Variants in FSTL4 observed in about 807,000 individuals in gnomAD.
The protein encoded by FSTL4 is follistatin-related protein 4.
Under a neutral mutation model 78.2 loss-of-function variants are expected in FSTL4, and 28 were observed. The ratio of observed to expected loss-of-function variants is 0.36; its 90% CI spans 0.27 to 0.49. The LOEUF (loss-of-function observed/expected upper bound fraction) is 0.49, where lower values mean the gene tolerates loss of function less well. Ranked by LOEUF, FSTL4 falls within the 20% of genes least tolerant of loss-of-function variation. The pLI is 0.98. For missense variants in FSTL4, 922 were observed against 1,084.9 expected, an observed-to-expected ratio of 0.85 and a Z score of 2.11; for synonymous variants, 422 against 440.5, an observed-to-expected ratio of 0.96 and a Z score of 0.53.
At chr5:133,810,294 C>A in the FSTL4 span, among the ~76,000 whole-genome samples, 3 of 152,248 alleles carry the variant, frequency 2.0e-5, no homozygotes, top group Admixed American at 2.0e-4. Flanking sequence ...GTTCTTCTGG[C>A]ACAGCCTTCC....
chr5:133,274,625 G>A (rs983928525), intron 6 of FSTL4, among the ~76,000 whole-genome samples: 2 of 152,148 alleles, frequency 1.3e-5, no homozygotes, highest in African/African-American at 4.8e-5. Context: ...CTTTGGTGGG[G>A]TGGTGTGCTC....
At chr5:133,823,530 G>A in the FSTL4 span, among the ~76,000 whole-genome samples, 1 of 152,236 alleles carries the variant, frequency 6.6e-6, no homozygotes, top group East Asian at 1.9e-4. Flanking sequence ...AGATCCTCAG[G>A]ATGTCAGAGA....
the FSTL4 span, among the ~76,000 whole-genome samples, chr5:133,795,693 G>A: frequency 6.6e-6 from 1 of 152,212 alleles, no homozygotes; most frequent in Non-Finnish European, 1.5e-5. Context: ...ACCGCCATAA[G>A]GCCTTCTGAA....
the FSTL4 span, among the ~76,000 whole-genome samples, chr5:133,640,699 A>G: frequency 6.6e-6 from 1 of 152,182 alleles, no homozygotes; most frequent in African/African-American, 2.4e-5. Context: ...TAAGAATGGG[A>G]TAACAGATGA....
At chr5:133,527,471 G>A (rs936591956) in intron 3 of FSTL4, among the ~76,000 whole-genome samples, 10 of 113,688 alleles carry the variant, frequency 8.8e-5, no homozygotes, top group Non-Finnish European at 1.9e-4. Flanking sequence ...ATGTGCACGT[G>A]TACACACACA....
chr5:133,429,586 C>T (rs1756894309), intron 3 of FSTL4, among the ~76,000 whole-genome samples: 1 of 150,280 alleles, frequency 6.7e-6, no homozygotes, highest in Non-Finnish European at 1.5e-5. Flanking sequence ...ACCTGCCTTC[C>T]TCAAAAGTAG....
Position 133,356,783 on chromosome 5 carries a change from C to T in FSTL4, c.410-40131G>A, listed in dbSNP as rs200831180. Among the ~76,000 whole-genome samples the T allele has an allele frequency of 1.4e-4, 21 of 152,364 alleles. No homozygotes were observed. The East Asian group carries it at 2.7e-3, about 20-fold the overall frequency. ...GCCTCGCAGGGATCCCTCAGGCCCA[C>T]GCAGTCTTTTTGGCAGGGGACCCCT... On this transcript the variant is annotated intron_variant, in intron 4 of 15. Transcript: ENST00000265342.
chr5:133,449,295 C>T (rs1019188082), intron 3 of FSTL4, among the ~76,000 whole-genome samples: 3 of 152,296 alleles, frequency 2.0e-5, no homozygotes, highest in Middle Eastern at 3.4e-3. Context: ...CTCTTCAGAA[C>T]GCTGGGCCTG....
chr5:133,787,224 CTATT>C, the FSTL4 span, among the ~76,000 whole-genome samples: 5,181 of 152,260 alleles, frequency 0.034, 238 homozygotes, highest in African/African-American at 0.11. Context: ...ATACGGTTCA[CTATT>C]TATTTAGAAC....
intron 3 of FSTL4, among the ~76,000 whole-genome samples, chr5:133,548,435 A>G (rs186384777): frequency 1.1e-3 from 162 of 152,322 alleles, no homozygotes; most frequent in African/African-American, 3.9e-3. Flanking sequence ...CTACACAAAA[A>G]GGCTTTGTCC....
At position 133,220,822 on chromosome 5, in the gene FSTL4, T is replaced by C. The variant is rs1369286732; in HGVS notation, c.1384A>G (p.Ile462Val). Residue 462 changes from isoleucine (I) to valine (V), a missense_variant, in exon 12 of 16, where the codon ATC (isoleucine) becomes GTC (valine). Ile to Val is a conservative substitution (Grantham distance 29). Transcript: ENST00000265342. ...CAGTCCACAGGATGGATGACGATGATACCGTCGTCGGAGAAGACATAGAAC... is the reference window on the plus strand; with the variant it reads ...CAGTCCACAGGATGGATGACGATGACACCGTCGTCGGAGAAGACATAGAAC... ...NMFYVFSDDG[I>V]IVIHPVDCEI... is the part of the protein sequence containing the mutation. 1 of 1,613,310 alleles carries C rather than the reference T, an allele frequency of 6.2e-7. No homozygotes were observed. Among genetic ancestry groups the C allele is most frequent in the Admixed American group, 1.7e-5 (1 of 60,028 alleles).
chr5:133,217,321 C>A lies in FSTL4; in HGVS notation c.1516G>T (p.Ala506Ser), dbSNP rs1415100222. Residue 506 changes from alanine (A) to serine (S), a missense_variant, in exon 13 of 16, where the codon GCA (alanine) becomes TCA (serine). By Grantham distance (99) the Ala-to-Ser change is moderately conservative. Coordinates refer to ENST00000265342, the MANE Select transcript of FSTL4 (RefSeq NM_015082.2). ...NATQPCQWVS[A>S]VNVRNRYIYV... Reference sequence around the variant, plus strand: ...ATGTACCGGTTCCGGACATTGACTGCAGATACCCACTGGCAGGGCTGGGTT... The same window carrying A: ...ATGTACCGGTTCCGGACATTGACTGAAGATACCCACTGGCAGGGCTGGGTT... 1 of 1,614,016 alleles carries A rather than the reference C, an allele frequency of 6.2e-7. No homozygotes were observed. The highest frequency in any genetic ancestry group is 2.2e-5 in the East Asian group (1 of 44,872).
At chr5:133,318,578 C>A (rs530259212) in intron 4 of FSTL4, among the ~76,000 whole-genome samples, 1 of 152,290 alleles carries the variant, frequency 6.6e-6, no homozygotes, top group South Asian at 2.1e-4. Context: ...CAGGAGCCAG[C>A]ATTTCTGCAG....
chr5:133,537,120 C>A (rs1759365459), intron 3 of FSTL4, among the ~76,000 whole-genome samples: 1 of 152,202 alleles, frequency 6.6e-6, no homozygotes, highest in Non-Finnish European at 1.5e-5. Flanking sequence ...GGGTGGCCAT[C>A]ATTATTTCTG....
At chr5:133,637,434 T>G in the FSTL4 span, among the ~76,000 whole-genome samples, 5 of 152,070 alleles carry the variant, frequency 3.3e-5, no homozygotes, top group African/African-American at 1.2e-4. Flanking sequence ...AGGTCCTAGT[T>G]TAGGGGCTGG....
chr5:133,775,652 G>T, the FSTL4 span, among the ~76,000 whole-genome samples: 2 of 152,158 alleles, frequency 1.3e-5, no homozygotes, highest in Non-Finnish European at 2.9e-5. Flanking sequence ...CCAGAAGGTG[G>T]AAGAGTAGAT....
chr5:133,830,649 C>T, the FSTL4 span, among the ~76,000 whole-genome samples: 1 of 152,192 alleles, frequency 6.6e-6, no homozygotes, highest in Non-Finnish European at 1.5e-5. Flanking sequence ...TCAGGCAGGG[C>T]CATGCTTGAA....
the FSTL4 span, among the ~76,000 whole-genome samples, chr5:133,731,268 C>A: frequency 1.3e-5 from 2 of 152,022 alleles, no homozygotes; most frequent in Admixed American, 1.3e-4. Flanking sequence ...CTCGACTGGA[C>A]GAGCCCTGGC....
At chr5:133,658,349 G>A in the FSTL4 span, among the ~76,000 whole-genome samples, 2 of 152,092 alleles carry the variant, frequency 1.3e-5, no homozygotes, top group Admixed American at 6.6e-5. Flanking sequence ...TTCAGATTGG[G>A]ATCATCTATT....
Sources: gnomAD v4.1 joint callset for allele counts (sites outside exome capture counted in the v4.1 genomes callset) on GRCh38, gnomAD v4.1.1 for gene constraint, MANE v1.5 for transcripts, NCBI Gene and HGNC (gene_info 2026-07-23, HGNC 2026-07-21) for gene names.